The following ANO4 variants were observed in gnomAD, a reference collection of about 807,000 sequenced individuals.
ANO4 encodes the protein anoctamin-4.
A neutral mutation model predicts 141.9 loss-of-function variants in ANO4; 69 were observed. The observed-to-expected ratio is 0.49, with a 90% CI of 0.40 to 0.59. The LOEUF (loss-of-function observed/expected upper bound fraction) is 0.59. Among genes scored for constraint, ANO4 ranks in the 20% least tolerant of loss-of-function variants. The pLI, the probability that ANO4 is intolerant of heterozygous loss-of-function variation, is 0.00. For synonymous variants in ANO4, 350 were observed against 394.3 expected (o/e 0.89, Z 1.33); for missense variants, 894 against 1,162.2 (o/e 0.77, Z 3.36).
intron 1 of ANO4, among the ~76,000 whole-genome samples, chr12:100,796,477 G>A (rs144617979): frequency 3.0e-4 from 45 of 152,130 alleles, no homozygotes; most frequent in African/African-American, 1.1e-3. Context: ...AAGTAGATGC[G>A]TTTGTTGTTG....
chr12:101,042,507 A>G (rs374728449), intron 12 of ANO4, 39 bp downstream of exon 12: 13 of 1,611,238 alleles, frequency 8.1e-6, no homozygotes, highest in Middle Eastern at 1.7e-4. Flanking sequence ...TTTGTTTAGT[A>G]CTTAGAGGTG....
intron 26 of ANO4, among the ~76,000 whole-genome samples, chr12:101,125,452 C>G (rs141842400): frequency 0.015 from 2,255 of 152,158 alleles, 49 homozygotes; most frequent in African/African-American, 0.052. Flanking sequence ...ATTTGAATAC[C>G]CTTTATTTAT....
intron 9 of ANO4, among the ~76,000 whole-genome samples, chr12:101,032,203 A>C (rs988270020): frequency 6.6e-6 from 1 of 152,222 alleles, no homozygotes; most frequent in Non-Finnish European, 1.5e-5. Flanking sequence ...TGCAGTAACC[A>C]AAACAGCATG....
At chr12:100,836,649 AG>A (rs1346802471) in intron 1 of ANO4, among the ~76,000 whole-genome samples, 1 of 151,910 alleles carries the variant, frequency 6.6e-6, no homozygotes, top group African/African-American at 2.4e-5. Context: ...AGGAAAGAGG[AG>A]GTCTTCTAAT....
At chr12:100,812,883 T>A (rs1392811194) in intron 1 of ANO4, among the ~76,000 whole-genome samples, 1 of 152,228 alleles carries the variant, frequency 6.6e-6, no homozygotes, top group Non-Finnish European at 1.5e-5. Flanking sequence ...GTAAAAGCAG[T>A]CGGCAAGGTT....
intron 1 of ANO4, among the ~76,000 whole-genome samples, chr12:100,857,105 G>A (rs2038213654): frequency 6.6e-6 from 1 of 152,100 alleles, no homozygotes; most frequent in Non-Finnish European, 1.5e-5. Flanking sequence ...TGGGGCGTAT[G>A]GAGACTCAAA....
chr12:100,992,233 TA>T (rs1238392641), intron 8 of ANO4, among the ~76,000 whole-genome samples: 5 of 152,210 alleles, frequency 3.3e-5, no homozygotes, highest in South Asian at 2.1e-4. Flanking sequence ...TCATTCTCTT[TA>T]AAAACTTTAG....
At chr12:100,869,346 A>AG (rs2038919064) in intron 1 of ANO4, among the ~76,000 whole-genome samples, 1 of 152,212 alleles carries the variant, frequency 6.6e-6, no homozygotes, top group Admixed American at 6.5e-5. Flanking sequence ...CCTGAGTCTT[A>AG]GATCAAGAGG....
chr12:100,869,704 T>A (rs892355227), intron 1 of ANO4, among the ~76,000 whole-genome samples: 39 of 152,314 alleles, frequency 2.6e-4, no homozygotes, highest in African/African-American at 9.4e-4. Flanking sequence ...ACAGGGACTT[T>A]CTGATTTTTT....
At chr12:101,079,589 G>C (rs1224229270) in intron 15 of ANO4, among the ~76,000 whole-genome samples, 2 of 151,850 alleles carry the variant, frequency 1.3e-5, no homozygotes, top group Non-Finnish European at 2.9e-5. Flanking sequence ...TCTAACTTCA[G>C]CAGAAAAAGA....
intron 14 of ANO4, among the ~76,000 whole-genome samples, chr12:101,051,535 T>C (rs2047870731): frequency 6.6e-6 from 1 of 152,224 alleles, no homozygotes; most frequent in South Asian, 2.1e-4. Flanking sequence ...ATAGAGATAA[T>C]GCCTTTTGCA....
Position 101,006,828 on chromosome 12 carries a change from T to C in ANO4, c.735-13206T>C, listed in dbSNP as rs1360319965. Reference sequence around the variant, plus strand: ...AGTGGTTACCTCTAGGGGAGGAGAATACAATTAAAAAGGAGGACACAGAGA... The same window carrying C: ...AGTGGTTACCTCTAGGGGAGGAGAACACAATTAAAAAGGAGGACACAGAGA... On this transcript the variant is annotated intron_variant, in intron 8 of 27. Transcript: ENST00000392977. Among the ~76,000 whole-genome samples the C allele has an allele frequency of 2.0e-5, 3 of 152,206 alleles. No homozygotes were observed. In the South Asian group the frequency reaches 6.2e-4, roughly 31 times the overall value.
intron 1 of ANO4, among the ~76,000 whole-genome samples, chr12:100,877,040 G>T (rs1024578692): frequency 6.6e-6 from 1 of 152,118 alleles, no homozygotes; most frequent in South Asian, 2.1e-4. Flanking sequence ...AATACTGCAT[G>T]ATCTCACTTA....
chr12:100,981,473 A>C (rs1259275889), intron 7 of ANO4, among the ~76,000 whole-genome samples: 1 of 151,902 alleles, frequency 6.6e-6, no homozygotes, highest in East Asian at 1.9e-4. Context: ...AAAGGAAGGG[A>C]GGGAGGGAGG....
chr12:101,004,675 T>C (rs2045799314), intron 8 of ANO4, among the ~76,000 whole-genome samples: 1 of 152,202 alleles, frequency 6.6e-6, no homozygotes, highest in South Asian at 2.1e-4. Flanking sequence ...CCCTAATACC[T>C]GGAATTTTAC....
intron 14 of ANO4, among the ~76,000 whole-genome samples, chr12:101,055,177 C>A (rs996184236): frequency 6.6e-6 from 1 of 152,122 alleles, no homozygotes; most frequent in Non-Finnish European, 1.5e-5. Context: ...GCCTTTGTAG[C>A]CATTCATCTT....
chr12:100,883,941 A>G (rs1375455481), intron 1 of ANO4, among the ~76,000 whole-genome samples: 1 of 152,222 alleles, frequency 6.6e-6, no homozygotes, highest in East Asian at 1.9e-4. Context: ...CTTAAAATAC[A>G]ACGGTTGTCC....
At chr12:100,772,498 A>G (rs2033342025) in intron 3 of ANO4, among the ~76,000 whole-genome samples, 1 of 152,122 alleles carries the variant, frequency 6.6e-6, no homozygotes. Flanking sequence ...TCCATGTGGC[A>G]TAGTGGAGTG....
chr12:100,836,317 A>G (rs1010648870), intron 1 of ANO4, among the ~76,000 whole-genome samples: 14 of 152,114 alleles, frequency 9.2e-5, no homozygotes, highest in African/African-American at 3.4e-4. Flanking sequence ...GCATACAAAA[A>G]TGAATAAAAT....
Sources: gnomAD v4.1 joint callset for allele counts (sites outside exome capture counted in the v4.1 genomes callset) on GRCh38, gnomAD v4.1.1 for gene constraint, MANE v1.5 for transcripts, NCBI Gene and HGNC (gene_info 2026-07-23, HGNC 2026-07-21) for gene names.